The following APOBEC3A variants were observed in gnomAD, a reference collection of about 807,000 sequenced individuals.
The protein encoded by APOBEC3A is apolipoprotein B mRNA editing enzyme catalytic subunit 3A.
APOBEC3A carries 13 observed loss-of-function variants against 23.0 expected under a neutral mutation model. The ratio of observed to expected loss-of-function variants is 0.57; its 90% CI spans 0.37 to 0.90. APOBEC3A has a LOEUF of 0.90. Ranked by LOEUF, APOBEC3A falls within the 40% of genes least tolerant of loss-of-function variation. The probability of loss-of-function intolerance (pLI) is 0.01; values close to 1 mark genes in which losing one functional copy is unlikely to be tolerated. For synonymous variants in APOBEC3A, 74 were observed against 101.3 expected (o/e 0.73, Z 1.62); for missense variants, 179 against 264.9 (o/e 0.68, Z 2.25).
At chr22:38,958,221 T>A (rs1447653993) in intron 1 of APOBEC3A, among the ~76,000 whole-genome samples, 1 of 152,198 alleles carries the variant, frequency 6.6e-6, no homozygotes, top group Non-Finnish European at 1.5e-5. Flanking sequence ...GAGCCCAGAT[T>A]CATGCCCAGG....
At position 38,962,114 on chromosome 22, in the gene APOBEC3A, G is replaced by A; in HGVS notation, c.486G>A (p.Trp162Ter). 6.2e-7 allele frequency: 1 copy of A among 1,611,416 alleles called. No individual in the cohort carries two copies. The highest frequency in any genetic ancestry group is 8.5e-7 in the Non-Finnish European group (1 of 1,178,778). Reference sequence around the variant, plus strand: ...CCTTTTCAGAATTTAAGCACTGCTGGGACACCTTTGTGGACCACCAGGGAT... The same window carrying A: ...CCTTTTCAGAATTTAAGCACTGCTGAGACACCTTTGTGGACCACCAGGGAT... ...IMTYDEFKHC[W>*]DTFVDHQGCP... Residue 162 changes from tryptophan (W) to a stop codon, truncating the protein, a stop_gained, in exon 4 of 5, where the codon TGG (tryptophan) becomes TGA (stop). Transcript: ENST00000249116. LOFTEE classifies it high-confidence loss of function.
chr22:38,961,532 C>T lies in APOBEC3A; in HGVS notation c.320C>T (p.Ala107Val), dbSNP rs1193384671. ...AGCCCCTGCTTCTCCTGGGGCTGTG[C>T]CGGGGAAGTGCGTGCGTTCCTTCAG... ...SWSPCFSWGC[A>V]GEVRAFLQEN... The change falls in exon 3 of 5, where the codon GCC becomes GTC. Residue 107 changes from alanine to valine, a missense_variant. Physicochemically the swap from Ala to Val is moderately conservative, Grantham distance 64. This residue lies in a region of APOBEC3A where 37 missense variants were observed against 47.8 expected (regional missense o/e 0.77). Coordinates refer to ENST00000249116, the MANE Select transcript of APOBEC3A (RefSeq NM_145699.4). The T allele has an allele frequency of 5.2e-6, 8 of 1,529,092 alleles. No homozygotes were observed. The Admixed American group carries it at 6.9e-5, about 13-fold the overall frequency. The allele number at this position is 1,529,092 out of a possible 1,614,324, so 94.7% of individuals were successfully genotyped here.
At chr22:38,958,009 G>A (rs879696807) in intron 1 of APOBEC3A, among the ~76,000 whole-genome samples, 2 of 152,224 alleles carry the variant, frequency 1.3e-5, no homozygotes, top group Non-Finnish European at 2.9e-5. Context: ...GGTCAGAGAG[G>A]GGATTCTCCT....
intron 3 of APOBEC3A, 78 bp downstream of exon 3, chr22:38,961,759 G>T (rs1301394547): frequency 9.1e-7 from 1 of 1,093,462 alleles, no homozygotes. Context: ...GAAAGGCCTT[G>T]GTCTGCTGCC....
rs913330139 is a variant in APOBEC3A at position 38,959,438 on chromosome 22, G to A, written c.30-104G>A. 6 of 1,376,922 alleles carry A rather than the reference G, an allele frequency of 4.4e-6. No individual in the cohort carries two copies. In the African/African-American group the frequency reaches 8.6e-5, roughly 20 times the overall value. The allele number at this position is 1,376,922 out of a possible 1,614,324, so 85.3% of individuals were successfully genotyped here. Reference sequence around the variant, plus strand: ...GTGCTAAGGGATGTGCGGAGCAGGGGGAAGGAGGGTGGGGTGCAAGGGAGG... The same window carrying A: ...GTGCTAAGGGATGTGCGGAGCAGGGAGAAGGAGGGTGGGGTGCAAGGGAGG... On this transcript the variant is annotated intron_variant, in intron 1 of 4. Coordinates refer to ENST00000249116, the MANE Select transcript of APOBEC3A (RefSeq NM_145699.4).
chr22:38,959,867 C>T (rs1922797636), intron 2 of APOBEC3A, among the ~76,000 whole-genome samples, 181 bp downstream of exon 2: 2 of 152,166 alleles, frequency 1.3e-5, no homozygotes, highest in Non-Finnish European at 2.9e-5. Flanking sequence ...TATCCATGCC[C>T]AGGTGGGGTT....
At chr22:38,959,514 C>T in intron 1 of APOBEC3A, 28 bp from the exon 2 acceptor site, 1 of 1,609,492 alleles carries the variant, frequency 6.2e-7, no homozygotes, top group East Asian at 2.2e-5. Context: ...GCTCTTCCTC[C>T]TCTGGTCTTT....
Position 38,962,734 on chromosome 22 carries a change from G to A in APOBEC3A, c.*225G>A, listed in dbSNP as rs1922965673. ...CAGCACTTTGGAGGCCAAGGCGGGT[G>A]GATCACGAGGTCAGGAGATCGAGAC... On this transcript the variant is annotated 3_prime_UTR_variant, in exon 5 of 5. Coordinates refer to ENST00000249116, the MANE Select transcript of APOBEC3A (RefSeq NM_145699.4). The A allele has an allele frequency of 3.5e-6, 4 of 1,127,394 alleles. No homozygotes were observed. Among genetic ancestry groups the A allele is most frequent in the Non-Finnish European group, 2.4e-6 (2 of 819,624 alleles). 69.8% of individuals were successfully genotyped at this position (1,127,394 alleles called of 1,614,324 possible). A position where few individuals can be genotyped will look rare whatever the true frequency, so the allele number is the denominator to read the frequency against.
At chr22:38,959,806 A>AGCT (rs1164291361) in intron 2 of APOBEC3A, 120 bp downstream of exon 2, 1 of 1,367,610 alleles carries the variant, frequency 7.3e-7, no homozygotes, top group Non-Finnish European at 9.9e-7. Context: ...TGCTTCCTGC[A>AGCT]GCTGCTGCTG....
chr22:38,958,775 C>CTT (rs760275072), intron 1 of APOBEC3A, among the ~76,000 whole-genome samples: 27,504 of 129,846 alleles, frequency 0.21, 4,591 homozygotes, highest in African/African-American at 0.43. Flanking sequence ...CTTTCTCTTT[C>CTT]TTTCTTTCTT....
At chr22:38,962,472 A>G in intron 4 of APOBEC3A, 23 bp from the exon 5 acceptor site, 1 of 1,598,918 alleles carries the variant, frequency 6.3e-7, no homozygotes, top group Non-Finnish European at 8.5e-7. Context: ...CTCCTGCTCC[A>G]TTCAACCCCC....
intron 4 of APOBEC3A, 82 bp from the exon 5 acceptor site, chr22:38,962,407 CGTCATT>C (rs1300813489): frequency 1.3e-6 from 2 of 1,560,862 alleles, no homozygotes; most frequent in Non-Finnish European, 1.7e-6. Context: ...CCTCCTCTCC[CGTCATT>C]GTCACTGTCC....
At position 38,962,041 on chromosome 22, in the gene APOBEC3A, A is replaced by T. The variant is rs550679969; in HGVS notation, c.470-57A>T. On this transcript the variant is annotated intron_variant, in intron 3 of 4. Transcript: ENST00000249116. The stretch of plus-strand genomic sequence containing the variant: ...GTCTGTCCTGAGAGTCATGGGCCCT[A>T]GGTGCCACCCCGATCCCACAGCGGG... 20 of 1,567,430 alleles carry T rather than the reference A, an allele frequency of 1.3e-5. 1 individual carries two copies. Among genetic ancestry groups the T allele is most frequent in the South Asian group, 5.9e-5 (5 of 84,210 alleles).
In APOBEC3A at chr22:38,962,595, C is replaced by T. The variant is rs886577658; in HGVS notation, c.*86C>T. ...CTTCTTCCAAGAAATGCAAACAGACCGTTCACCACCATCTCCAGCTGCTCA... is the reference window on the plus strand; with the variant it reads ...CTTCTTCCAAGAAATGCAAACAGACTGTTCACCACCATCTCCAGCTGCTCA... On this transcript the variant is annotated 3_prime_UTR_variant, in exon 5 of 5. Transcript: ENST00000249116. The T allele has an allele frequency of 4.4e-6, 7 of 1,580,126 alleles. No individual in the cohort carries two copies. The highest frequency in any genetic ancestry group is 2.4e-5 in the East Asian group (1 of 41,872).
At chr22:38,958,201 G>A (rs536113770) in intron 1 of APOBEC3A, among the ~76,000 whole-genome samples, 1 of 152,344 alleles carries the variant, frequency 6.6e-6, no homozygotes, top group South Asian at 2.1e-4. Context: ...CACAGAGCAA[G>A]TGAGTGGTAG....
intron 2 of APOBEC3A, among the ~76,000 whole-genome samples, chr22:38,960,534 C>A (rs1922833774): frequency 6.6e-6 from 1 of 152,190 alleles, no homozygotes; most frequent in East Asian, 1.9e-4. Flanking sequence ...CCCAACTTGA[C>A]CGATTCCTAG....
intron 1 of APOBEC3A, among the ~76,000 whole-genome samples, chr22:38,958,575 TTTCC>T (rs1922697033): frequency 1.4e-5 from 2 of 148,076 alleles, no homozygotes; most frequent in African/African-American, 5.1e-5. Context: ...TCTTCTTTCC[TTTCC>T]TTCCTTTCTT....
Position 38,962,615 on chromosome 22 carries a change from T to C in APOBEC3A, c.*106T>C. 6.3e-7 allele frequency: 1 copy of C among 1,586,254 alleles called. No homozygotes were observed. Among genetic ancestry groups the C allele is most frequent in the Non-Finnish European group, 8.6e-7 (1 of 1,167,654 alleles). Reference sequence around the variant, plus strand: ...CAGACCGTTCACCACCATCTCCAGCTGCTCACAGACGCCAGCAAAGCAGTA... The same window carrying C: ...CAGACCGTTCACCACCATCTCCAGCCGCTCACAGACGCCAGCAAAGCAGTA... On this transcript the variant is annotated 3_prime_UTR_variant, in exon 5 of 5. Coordinates refer to ENST00000249116, the MANE Select transcript of APOBEC3A (RefSeq NM_145699.4).
chr22:38,958,663 CT>C, intron 1 of APOBEC3A, among the ~76,000 whole-genome samples: 1 of 130,724 alleles, frequency 7.6e-6, no homozygotes, highest in Admixed American at 8.6e-5. Flanking sequence ...TTCTTCTTTC[CT>C]TCTTTCTTTC....
Sources: gnomAD v4.1 joint callset for allele counts (sites outside exome capture counted in the v4.1 genomes callset) on GRCh38, gnomAD v4.1.1 for gene constraint, gnomAD v4.1.1 regional missense constraint, MANE v1.5 for transcripts, NCBI Gene and HGNC (gene_info 2026-07-23, HGNC 2026-07-21) for gene names.